GALNTL6: variants seen among roughly 807,000 people sequenced by gnomAD.
GALNTL6 encodes polypeptide N-acetylgalactosaminyltransferase-like 6.
A neutral mutation model predicts 73.7 loss-of-function variants in GALNTL6; 46 were observed. The observed-to-expected ratio is 0.62, with a 90% CI of 0.49 to 0.80. The LOEUF (loss-of-function observed/expected upper bound fraction) is 0.80. Ranked by LOEUF, GALNTL6 falls within the 30% of genes least tolerant of loss-of-function variation. GALNTL6 has a pLI of 0.00. For synonymous variants in GALNTL6, 259 were observed against 263.7 expected (o/e 0.98, Z 0.17); for missense variants, 604 against 755.0 (o/e 0.80, Z 2.34).
chr4:172,499,092 G>A (rs1734170571), intron 5 of GALNTL6, among the ~76,000 whole-genome samples: 2 of 152,010 alleles, frequency 1.3e-5, no homozygotes, highest in South Asian at 4.2e-4. Flanking sequence ...TCTCAACCAG[G>A]AGATGGCTAA....
intron 10 of GALNTL6, among the ~76,000 whole-genome samples, chr4:172,989,246 A>G (rs1389807327): frequency 6.6e-6 from 1 of 152,238 alleles, no homozygotes; most frequent in Non-Finnish European, 1.5e-5. Context: ...CTTTGGGAAT[A>G]GGTGTACTTA....
chr4:172,347,190 A>C (rs1046568821), intron 4 of GALNTL6, among the ~76,000 whole-genome samples: 1 of 151,750 alleles, frequency 6.6e-6, no homozygotes, highest in African/African-American at 2.4e-5. Context: ...GGGTTTTGCT[A>C]TGTTGCCCAG....
intron 2 of GALNTL6, among the ~76,000 whole-genome samples, chr4:172,183,856 G>T (rs970659867): frequency 1.3e-5 from 2 of 148,796 alleles, no homozygotes; most frequent in African/African-American, 4.9e-5. Context: ...GCAGTGGTGC[G>T]ATCTCAGCTC....
chr4:172,656,942 T>C (rs1209923921), intron 5 of GALNTL6, among the ~76,000 whole-genome samples: 1 of 152,232 alleles, frequency 6.6e-6, no homozygotes, highest in East Asian at 1.9e-4. Context: ...TTTTTTTCTT[T>C]CTGCTCTGTT....
chr4:172,853,006 C>T (rs930821674), intron 7 of GALNTL6, among the ~76,000 whole-genome samples: 4 of 152,172 alleles, frequency 2.6e-5, no homozygotes, highest in African/African-American at 9.7e-5. Flanking sequence ...TTACCCAGTG[C>T]TATGTAATCC....
At chr4:172,249,328 C>A (rs942017909) in intron 3 of GALNTL6, among the ~76,000 whole-genome samples, 3 of 152,068 alleles carry the variant, frequency 2.0e-5, no homozygotes, top group African/African-American at 7.2e-5. Flanking sequence ...GGGTATCTGG[C>A]AGAAGAAATT....
rs894354805 is a variant in GALNTL6, at chr4:172,126,388, C to T, written c.139-103268C>T. Among the ~76,000 whole-genome samples, 9 of 152,272 alleles carry T rather than the reference C, an allele frequency of 5.9e-5. No homozygotes were observed. In the East Asian group the frequency reaches 7.7e-4, roughly 13 times the overall value. ...ACTACAGGCATCCGGTACTTGCCTC[C>T]TCCACAAAGTAGAACCAAAATAGCA... is the stretch of plus-strand genomic sequence containing the variant. On this transcript the variant is annotated intron_variant, in intron 2 of 12. Transcript: ENST00000506823.
chr4:172,380,195 G>GT (rs1743228029), intron 5 of GALNTL6: 1 of 1,013,204 alleles, frequency 9.9e-7, no homozygotes, highest in East Asian at 2.4e-5. Context: ...GATCTGCAGG[G>GT]CTGGGGACCA....
chr4:172,602,537 G>A (rs1033610848), intron 5 of GALNTL6, among the ~76,000 whole-genome samples: 1 of 149,218 alleles, frequency 6.7e-6, no homozygotes, highest in Non-Finnish European at 1.5e-5. Flanking sequence ...ACAAAACAAA[G>A]TGGAAGAGTT....
intron 2 of GALNTL6, among the ~76,000 whole-genome samples, chr4:172,124,938 T>C (rs1733254524): frequency 6.6e-6 from 1 of 152,060 alleles, no homozygotes; most frequent in Admixed American, 6.5e-5. Context: ...GAGCACAGAA[T>C]GAATTTATGC....
At chr4:172,911,831 T>C (rs1747220919) in intron 8 of GALNTL6, among the ~76,000 whole-genome samples, 2 of 152,262 alleles carry the variant, frequency 1.3e-5, no homozygotes, top group South Asian at 4.1e-4. Context: ...TTATGTCTAA[T>C]GGCATTTTCC....
intron 4 of GALNTL6, among the ~76,000 whole-genome samples, chr4:172,336,167 TTTTG>T (rs1344149527): frequency 1.3e-5 from 2 of 152,046 alleles, no homozygotes; most frequent in East Asian, 1.9e-4. Context: ...TTTCAAAGAA[TTTTG>T]TTTATTTATA....
At chr4:172,064,797 C>T (rs1479790828) in intron 2 of GALNTL6, among the ~76,000 whole-genome samples, 2 of 151,968 alleles carry the variant, frequency 1.3e-5, no homozygotes, top group Non-Finnish European at 2.9e-5. Context: ...AAGTTTGTGC[C>T]TTTTCTTCAC....
intron 2 of GALNTL6, among the ~76,000 whole-genome samples, chr4:171,978,365 T>C (rs1739784017): frequency 6.6e-6 from 1 of 152,076 alleles, no homozygotes; most frequent in South Asian, 2.1e-4. Flanking sequence ...GTGGCTCTTC[T>C]CCAAGAATTG....
chr4:172,990,946 T>C (rs1219888345), intron 10 of GALNTL6, among the ~76,000 whole-genome samples: 2 of 152,232 alleles, frequency 1.3e-5, no homozygotes, highest in African/African-American at 2.4e-5. Context: ...GATTTTAATA[T>C]ACCAAATAAG....
chr4:172,397,122 T>C (rs1239992076), intron 5 of GALNTL6, among the ~76,000 whole-genome samples: 1 of 152,172 alleles, frequency 6.6e-6, no homozygotes, highest in Non-Finnish European at 1.5e-5. Context: ...ATGTGAGAGA[T>C]AGTCTATATG....
At chr4:172,374,470 CA>C (rs1461129878) in intron 5 of GALNTL6, among the ~76,000 whole-genome samples, 3 of 152,160 alleles carry the variant, frequency 2.0e-5, no homozygotes, top group Non-Finnish European at 4.4e-5. Flanking sequence ...AGTTGGGTGA[CA>C]GGGGAGTATA....
chr4:172,426,635 G>A (rs774547567), intron 5 of GALNTL6, among the ~76,000 whole-genome samples: 2 of 152,122 alleles, frequency 1.3e-5, no homozygotes, highest in Admixed American at 6.6e-5. Flanking sequence ...AAACAAGTTA[G>A]CAATTTGTAA....
At chr4:172,949,756 A>C (rs1282245261) in intron 9 of GALNTL6, among the ~76,000 whole-genome samples, 1 of 151,972 alleles carries the variant, frequency 6.6e-6, no homozygotes, top group African/African-American at 2.4e-5. Flanking sequence ...AAAAATACAA[A>C]AAATTAGCCA....
Sources: gnomAD v4.1 joint callset for allele counts (sites outside exome capture counted in the v4.1 genomes callset) on GRCh38, gnomAD v4.1.1 for gene constraint, MANE v1.5 for transcripts, NCBI Gene and HGNC (gene_info 2026-07-23, HGNC 2026-07-21) for gene names.